Variants in CACNA2D3 observed in about 807,000 individuals in gnomAD.
CACNA2D3 encodes the protein calcium voltage-gated channel auxiliary subunit alpha2delta 3.
Under a neutral mutation model 160.6 loss-of-function variants are expected in CACNA2D3, and 60 were observed. The ratio of observed to expected loss-of-function variants is 0.37; its 90% CI spans 0.30 to 0.46. The LOEUF (loss-of-function observed/expected upper bound fraction) is 0.46, where lower values mean the gene tolerates loss of function less well. Among genes scored for constraint, CACNA2D3 ranks in the 20% least tolerant of loss-of-function variants. The pLI, the probability that CACNA2D3 is intolerant of heterozygous loss-of-function variation, is 1.00. For synonymous variants in CACNA2D3, 558 were observed against 492.9 expected, an observed-to-expected ratio of 1.13 and a Z score of -1.75; for missense variants, 1,205 against 1,365.0, an observed-to-expected ratio of 0.88 and a Z score of 1.85.
At chr3:54,755,627 A>G (rs1363695064) in intron 12 of CACNA2D3, among the ~76,000 whole-genome samples, 2 of 152,124 alleles carry the variant, frequency 1.3e-5, no homozygotes, top group African/African-American at 4.8e-5. Flanking sequence ...TTCAGGGAGA[A>G]CTATAGGAAG....
Position 54,733,549 on chromosome 3 carries a change from C to G in CACNA2D3, c.1168-19050C>G, listed in dbSNP as rs190783928. The stretch of plus-strand genomic sequence containing the variant: ...AGAGCCTGTAATTTCTCTCCTGTAA[C>G]GAGAGTGGATGAAGGTTAACATTAG... On this transcript the variant is annotated intron_variant, in intron 11 of 37. Transcript: ENST00000474759. Among the ~76,000 whole-genome samples the G allele has an allele frequency of 2.9e-4, 44 of 152,222 alleles. No individual in the cohort carries two copies. In the East Asian group the frequency reaches 3.9e-3, roughly 13 times the overall value.
rs187282716 is a variant in CACNA2D3 at position 54,851,096 on chromosome 3, T to C, written c.1626+4629T>C. ...CAGTAGAGAAGATGCGCTTTTTATT[T>C]GTTTGTTGTTGTTGGTATTAGTATA... is the stretch of plus-strand genomic sequence containing the variant. On this transcript the variant is annotated intron_variant, in intron 17 of 37. Coordinates refer to ENST00000474759, the MANE Select transcript of CACNA2D3 (RefSeq NM_018398.3). 1.6e-3 allele frequency among the ~76,000 whole-genome samples: 246 copies of C among 152,336 alleles called. 5 individuals carry two copies. The highest frequency in any genetic ancestry group is 0.016 in the Admixed American group (245 of 15,312).
At chr3:54,652,824 C>T (rs1325639837) in intron 11 of CACNA2D3, among the ~76,000 whole-genome samples, 2 of 147,842 alleles carry the variant, frequency 1.4e-5, no homozygotes, top group East Asian at 3.9e-4. Flanking sequence ...GCTGTGTCAC[C>T]CGGGCTGGAG....
chr3:54,788,431 A>G (rs1702682288), intron 13 of CACNA2D3, among the ~76,000 whole-genome samples: 2 of 152,220 alleles, frequency 1.3e-5, no homozygotes, highest in Admixed American at 1.3e-4. Context: ...CCAAGTCTCT[A>G]GATGTCTTCT....
At chr3:54,193,991 G>A (rs761572690) in intron 2 of CACNA2D3, among the ~76,000 whole-genome samples, 3 of 152,090 alleles carry the variant, frequency 2.0e-5, no homozygotes, top group Non-Finnish European at 2.9e-5. Context: ...AATGTTGCAT[G>A]TTCTCAGTCA....
intron 35 of CACNA2D3, among the ~76,000 whole-genome samples, chr3:55,030,810 G>A (rs1224760875): frequency 6.6e-6 from 1 of 152,146 alleles, no homozygotes; most frequent in South Asian, 2.1e-4. Context: ...TGTTGTGTAG[G>A]TGTTGCTATC....
At chr3:54,404,270 A>G (rs745869501) in intron 4 of CACNA2D3, among the ~76,000 whole-genome samples, 4 of 152,186 alleles carry the variant, frequency 2.6e-5, no homozygotes, top group Non-Finnish European at 5.9e-5. Context: ...ACTCAAATTC[A>G]AGAACAAATC....
At chr3:54,875,022 C>A (rs1699625779) in intron 18 of CACNA2D3, 1 of 152,178 alleles carries the variant, frequency 6.6e-6, no homozygotes, top group South Asian at 2.1e-4. Flanking sequence ...CCCTACTACC[C>A]TCTAGGCAAC....
chr3:54,175,695 C>T (rs948282720), intron 2 of CACNA2D3, among the ~76,000 whole-genome samples: 8 of 151,358 alleles, frequency 5.3e-5, no homozygotes, highest in African/African-American at 1.2e-4. Context: ...GTTATACAGG[C>T]GCCCTCGGAA....
chr3:54,645,348 G>C (rs965957085), intron 11 of CACNA2D3, among the ~76,000 whole-genome samples: 11 of 152,200 alleles, frequency 7.2e-5, no homozygotes, highest in Non-Finnish European at 1.5e-4. Context: ...TTCAAGATGA[G>C]ATTTGGGTGG....
intron 2 of CACNA2D3, among the ~76,000 whole-genome samples, chr3:54,241,743 C>T (rs895116159): frequency 2.0e-5 from 3 of 152,146 alleles, no homozygotes; most frequent in Non-Finnish European, 4.4e-5. Flanking sequence ...AAGAGCTTGG[C>T]CTCTAGGGCC....
chr3:54,418,992 C>G (rs563869402), intron 4 of CACNA2D3, among the ~76,000 whole-genome samples: 2 of 152,336 alleles, frequency 1.3e-5, no homozygotes, highest in African/African-American at 2.4e-5. Context: ...AAGCACACAT[C>G]TGGCACTCAG....
intron 29 of CACNA2D3, among the ~76,000 whole-genome samples, chr3:54,971,578 A>G (rs1049273997): frequency 6.6e-6 from 1 of 152,170 alleles, no homozygotes; most frequent in Non-Finnish European, 1.5e-5. Context: ...GATTGATTGG[A>G]TAGATGGTTG....
At chr3:54,734,867 C>T (rs532816979) in intron 11 of CACNA2D3, among the ~76,000 whole-genome samples, 1 of 152,282 alleles carries the variant, frequency 6.6e-6, no homozygotes, top group South Asian at 2.1e-4. Context: ...TTATATCATG[C>T]ATTATGGAAG....
intron 13 of CACNA2D3, among the ~76,000 whole-genome samples, chr3:54,809,586 G>C (rs1703243548): frequency 7.1e-6 from 1 of 140,444 alleles, no homozygotes; most frequent in Admixed American, 6.8e-5. Flanking sequence ...CCAAAGTGCT[G>C]GGATTACAGG....
Position 55,036,522 on chromosome 3 carries a change from C to G in CACNA2D3, c.2987+18205C>G, listed in dbSNP as rs906819832. Among the ~76,000 whole-genome samples the G allele has an allele frequency of 2.0e-5, 3 of 151,040 alleles. No homozygotes were observed. The East Asian group carries it at 5.9e-4, about 30-fold the overall frequency. On this transcript the variant is annotated intron_variant, in intron 35 of 37. Transcript: ENST00000474759. Reference sequence around the variant, plus strand: ...TCACTCTGTTGCCCAGGCTGGAGTCCAGTGGCGCGATCTTGGCTCACTGCA... The same window carrying G: ...TCACTCTGTTGCCCAGGCTGGAGTCGAGTGGCGCGATCTTGGCTCACTGCA...
At chr3:54,393,364 T>C (rs1380234429) in intron 4 of CACNA2D3, among the ~76,000 whole-genome samples, 1 of 152,170 alleles carries the variant, frequency 6.6e-6, no homozygotes, top group Non-Finnish European at 1.5e-5. Context: ...CTGTGACCCA[T>C]GTGGGTACTG....
chr3:54,431,323 G>A (rs1464590976), intron 4 of CACNA2D3, among the ~76,000 whole-genome samples: 3 of 143,400 alleles, frequency 2.1e-5, no homozygotes, highest in Admixed American at 7.0e-5. Flanking sequence ...GTGAGACTCC[G>A]TCTCAAAAAA....
intron 4 of CACNA2D3, among the ~76,000 whole-genome samples, chr3:54,410,912 A>G (rs988294811): frequency 6.6e-6 from 1 of 152,234 alleles, no homozygotes; most frequent in African/African-American, 2.4e-5. Flanking sequence ...AGATGCCACT[A>G]AGAATACTTC....
Sources: gnomAD v4.1 joint callset for allele counts (sites outside exome capture counted in the v4.1 genomes callset) on GRCh38, gnomAD v4.1.1 for gene constraint, MANE v1.5 for transcripts, NCBI Gene and HGNC (gene_info 2026-07-23, HGNC 2026-07-21) for gene names.